CBL: variants seen among roughly 807,000 people sequenced by gnomAD.
CBL encodes Cbl proto-oncogene.
Under a neutral mutation model 96.9 loss-of-function variants are expected in CBL, and 45 were observed. The ratio of observed to expected loss-of-function variants is 0.46; its 90% CI spans 0.37 to 0.60. The LOEUF (loss-of-function observed/expected upper bound fraction) is 0.60. Among genes scored for constraint, CBL ranks in the 20% least tolerant of loss-of-function variants. The probability of loss-of-function intolerance (pLI) is 0.00; values close to 1 mark genes in which losing one functional copy is unlikely to be tolerated. For missense variants in CBL, 1,024 were observed against 1,143.5 expected, an observed-to-expected ratio of 0.90 and a Z score of 1.51; for synonymous variants, 420 against 426.8, an observed-to-expected ratio of 0.98 and a Z score of 0.20.
intron 2 of CBL, among the ~76,000 whole-genome samples, chr11:119,265,467 A>G (rs1355025739): frequency 6.6e-6 from 1 of 152,260 alleles, no homozygotes; most frequent in African/African-American, 2.4e-5. Flanking sequence ...TCCCTAAGAC[A>G]TAAATTCATT....
chr11:119,271,075 T>G (rs989671087), intron 2 of CBL, among the ~76,000 whole-genome samples: 2 of 152,224 alleles, frequency 1.3e-5, no homozygotes, highest in Admixed American at 1.3e-4. Context: ...AAGCATTTAT[T>G]AGGTCTGGAT....
In CBL at chr11:119,300,485, GGAT is replaced by G; in HGVS notation, c.*706_*708del. The G allele has an allele frequency of 2.5e-6, 1 of 402,212 alleles. No homozygotes were observed. The highest frequency in any genetic ancestry group is 4.4e-6 in the Non-Finnish European group (1 of 228,002). 24.9% of individuals were successfully genotyped at this position (402,212 alleles called of 1,614,324 possible). ...CCTTACTGAGGCCAAGCAGCTTATGGGATGTTCTTTATTGTGTGTGATGGTATT... is the reference window on the plus strand; with the variant it reads ...CCTTACTGAGGCCAAGCAGCTTATGGGTTCTTTATTGTGTGTGATGGTATT... On this transcript the variant is annotated 3_prime_UTR_variant, in exon 16 of 16. Coordinates refer to ENST00000264033, the MANE Select transcript of CBL (RefSeq NM_005188.4).
intron 2 of CBL, among the ~76,000 whole-genome samples, chr11:119,245,657 A>G (rs2135275896): frequency 6.6e-6 from 1 of 152,216 alleles, no homozygotes; most frequent in Admixed American, 6.5e-5. Flanking sequence ...TGAACCTGGG[A>G]GGTGGAGGTT....
intron 1 of CBL, among the ~76,000 whole-genome samples, chr11:119,213,507 G>A (rs1949334666): frequency 6.6e-6 from 1 of 152,114 alleles, no homozygotes; most frequent in Non-Finnish European, 1.5e-5. Context: ...TAACCTCTCA[G>A]GATTGTAAAG....
At chr11:119,233,106 A>C (rs180972053) in intron 2 of CBL, among the ~76,000 whole-genome samples, 34 of 152,314 alleles carry the variant, frequency 2.2e-4, no homozygotes, top group African/African-American at 7.7e-4. Flanking sequence ...GGAAAAAGCC[A>C]CTAGTTTAAC....
chr11:119,271,920 A>G (rs766168169), intron 3 of CBL, 39 bp downstream of exon 3: 35 of 1,596,546 alleles, frequency 2.2e-5, no homozygotes, highest in Admixed American at 1.0e-4. Flanking sequence ...ATGAAAAACT[A>G]AAGCTTACGA....
chr11:119,210,981 A>T (rs1192735898), intron 1 of CBL, among the ~76,000 whole-genome samples: 1 of 152,194 alleles, frequency 6.6e-6, no homozygotes, highest in Non-Finnish European at 1.5e-5. Context: ...CTTAATTTAT[A>T]AATTAGGCAC....
chr11:119,224,544 A>G (rs1349382489), intron 1 of CBL, among the ~76,000 whole-genome samples: 2 of 152,190 alleles, frequency 1.3e-5, no homozygotes, highest in African/African-American at 4.8e-5. Context: ...GTATTATATC[A>G]TGTGTTCTTA....
chr11:119,271,961 A>G, intron 3 of CBL, 80 bp downstream of exon 3: 1 of 1,403,354 alleles, frequency 7.1e-7, no homozygotes, highest in African/African-American at 1.4e-5. Flanking sequence ...CTAATGAAAT[A>G]TTTAAAATTT....
chr11:119,285,031 A>G lies in CBL; in HGVS notation c.1494A>G (p.Pro498=). 1 of 1,614,158 alleles carries G rather than the reference A, an allele frequency of 6.2e-7. No individual in the cohort carries two copies. Among genetic ancestry groups the G allele is most frequent in the Non-Finnish European group, 8.5e-7 (1 of 1,180,026 alleles). Residue 498 remains proline (P), a synonymous_variant, in exon 10 of 16, where the codon CCA becomes CCG. Transcript: ENST00000264033. ...AAGCTTCCCTTCCCCCGGTGCCACC[A>G]CGACTTGACCTTCTGCCGCAGCGAG... The part of the protein sequence containing the change: ...APQASLPPVP[P]RLDLLPQRVC...
At chr11:119,242,363 AC>A (rs1949592876) in intron 2 of CBL, among the ~76,000 whole-genome samples, 1 of 151,050 alleles carries the variant, frequency 6.6e-6, no homozygotes, top group Admixed American at 6.6e-5. Flanking sequence ...ACATGGTGAA[AC>A]CCCCTCCCTT....
chr11:119,243,516 T>C (rs200100717), intron 2 of CBL, among the ~76,000 whole-genome samples: 142 of 132,490 alleles, frequency 1.1e-3, no homozygotes, highest in African/African-American at 3.6e-3. Flanking sequence ...AAAAAAAAAA[T>C]TTTTTTTTTT....
intron 12 of CBL, among the ~76,000 whole-genome samples, chr11:119,291,269 A>G (rs1218834379): frequency 6.6e-6 from 1 of 152,142 alleles, no homozygotes; most frequent in Non-Finnish European, 1.5e-5. Flanking sequence ...GCACACGCCT[A>G]TAGTCCCAGC....
chr11:119,215,101 T>C (rs577927056), intron 1 of CBL, among the ~76,000 whole-genome samples: 4 of 152,180 alleles, frequency 2.6e-5, no homozygotes, highest in Admixed American at 2.6e-4. Context: ...TAATCAGCAG[T>C]AGGATTTTGA....
chr11:119,273,478 G>A (rs932700484), intron 3 of CBL, among the ~76,000 whole-genome samples: 1 of 152,136 alleles, frequency 6.6e-6, no homozygotes, highest in Non-Finnish European at 1.5e-5. Context: ...AGGCTGTAGT[G>A]CAGTGGCACG....
chr11:119,297,261 GC>G, intron 13 of CBL, 122 bp from the exon 14 acceptor site: 1 of 841,468 alleles, frequency 1.2e-6, no homozygotes, highest in South Asian at 1.4e-5. Flanking sequence ...CCTATAACTT[GC>G]CACAAGAGTC....
intron 2 of CBL, among the ~76,000 whole-genome samples, chr11:119,250,406 C>T (rs191820673): frequency 1.3e-5 from 2 of 152,294 alleles, no homozygotes; most frequent in Non-Finnish European, 2.9e-5. Flanking sequence ...TGTAGCTCTT[C>T]AAAGCTGGGC....
chr11:119,297,169 C>G, intron 13 of CBL, 135 bp downstream of exon 13: 1 of 772,556 alleles, frequency 1.3e-6, no homozygotes, highest in Non-Finnish European at 2.3e-6. Flanking sequence ...AAATCTAGCC[C>G]TTAATGGTTT....
At chr11:119,234,274 G>A (rs536373074) in intron 2 of CBL, among the ~76,000 whole-genome samples, 3 of 152,236 alleles carry the variant, frequency 2.0e-5, no homozygotes, top group African/African-American at 7.2e-5. Context: ...CCAAAGTGTT[G>A]GGATTACAGT....
Sources: allele counts gnomAD v4.1 joint callset (sites outside exome capture counted in the v4.1 genomes callset), GRCh38; gene constraint gnomAD v4.1.1; transcripts MANE v1.5; gene names NCBI Gene and HGNC (gene_info 2026-07-23, HGNC 2026-07-21).